The following MYH7B variants were observed in gnomAD, a reference collection of about 807,000 sequenced individuals.
MYH7B encodes myosin-7B.
A neutral mutation model predicts 234.5 loss-of-function variants in MYH7B; 205 were observed. The ratio of observed to expected loss-of-function variants is 0.87; its 90% CI spans 0.78 to 0.98. MYH7B has a LOEUF of 0.98. Among genes scored for constraint, MYH7B ranks in the 50% least tolerant of loss-of-function variants. MYH7B has a pLI of 0.00. For synonymous variants in MYH7B, 1,193 were observed against 1,105.0 expected (o/e 1.08, Z -1.58); for missense variants, 2,652 against 2,633.4 (o/e 1.01, Z -0.15).
intron 15 of MYH7B, 66 bp downstream of exon 15, chr20:34,987,055 GC>G (rs1261942017): frequency 2.5e-6 from 4 of 1,608,284 alleles, no homozygotes; most frequent in African/African-American, 1.3e-5. Context: ...CACTGCCGGT[GC>G]CCCCAGCTGC....
chr20:34,981,089 G>A (rs760762022), intron 9 of MYH7B, 29 bp downstream of exon 9: 1 of 1,613,160 alleles, frequency 6.2e-7, no homozygotes, highest in Non-Finnish European at 8.5e-7. Flanking sequence ...GGGTGGGGTG[G>A]AAAATGCTGG....
intron 43 of MYH7B, 34 bp downstream of exon 43, chr20:35,001,560 G>A: frequency 6.4e-7 from 1 of 1,559,768 alleles, no homozygotes; most frequent in Non-Finnish European, 8.7e-7. Context: ...CCTGGACCGG[G>A]CACCCCAGCT....
At chr20:35,001,769 C>T (rs560192867) in intron 43 of MYH7B, among the ~76,000 whole-genome samples, 179 bp from the exon 44 acceptor site, 18 of 152,292 alleles carry the variant, frequency 1.2e-4, no homozygotes, top group African/African-American at 4.3e-4. Context: ...CAAAAAGGCA[C>T]ATGAAGTTGG....
intron 37 of MYH7B, 25 bp from the exon 38 acceptor site, chr20:34,999,766 T>G: frequency 4.4e-6 from 3 of 689,092 alleles, no homozygotes; most frequent in Non-Finnish European, 6.4e-6. Context: ...CCCCCCACCC[T>G]ACCCTGCCTG....
At position 34,984,809 on chromosome 20, in the gene MYH7B, G is replaced by A. The variant is rs374365061; in HGVS notation, c.649-45G>A. Reference sequence around the variant, plus strand: ...CACGGGTGGCTCTGGCCTCCCGGTGGGTAGGCACCAGAACTGACAGACCCC... The same window carrying A: ...CACGGGTGGCTCTGGCCTCCCGGTGAGTAGGCACCAGAACTGACAGACCCC... On this transcript the variant is annotated intron_variant, in intron 11 of 44. Transcript: ENST00000262873. The A allele has an allele frequency of 7.4e-5, 118 of 1,600,168 alleles. No homozygotes were observed. In the Middle Eastern group the frequency reaches 1.3e-3, roughly 18 times the overall value.
At chr20:34,991,205 C>T (rs566408969) in intron 24 of MYH7B, 84 bp downstream of exon 24, 37 of 955,256 alleles carry the variant, frequency 3.9e-5, no homozygotes, top group African/African-American at 3.6e-4. Context: ...GCCCAACAGA[C>T]GGTCCCCTGT....
intron 24 of MYH7B, among the ~76,000 whole-genome samples, chr20:34,992,676 T>C (rs1317381830): frequency 6.6e-6 from 1 of 151,340 alleles, no homozygotes; most frequent in African/African-American, 2.4e-5. Flanking sequence ...ATTCTGCAAT[T>C]CTTCTGCCTC....
exon 28 of MYH7B, chr20:34,995,428 G>A (rs374670834): frequency 1.2e-6 from 2 of 1,613,616 alleles, no homozygotes; most frequent in African/African-American, 2.7e-5. Flanking sequence ...AGCTGAGTGA[G>A]CGGCTGGAGG....
chr20:34,988,373 TGA>T, intron 19 of MYH7B, 111 bp downstream of exon 19: 1 of 1,229,204 alleles, frequency 8.1e-7, no homozygotes, highest in Non-Finnish European at 1.1e-6. Context: ...TGGAAGCGTG[TGA>T]CTGTGCGTTG....
At position 34,989,928 on chromosome 20, in the gene MYH7B, T is replaced by C; in HGVS notation, c.1767+9T>C. 9 of 1,613,530 alleles carry C rather than the reference T, an allele frequency of 5.6e-6. No individual in the cohort carries two copies. The highest frequency in any genetic ancestry group is 7.6e-6 in the Non-Finnish European group (9 of 1,179,558). ...TCCACTACGCAGGCGTGGTAGGTGC[T>C]TGCTGGAACCCCAGCCCTCGGCCAG... On this transcript the variant is annotated intron_variant, in intron 20 of 44. Transcript: ENST00000262873.
chr20:34,992,628 T>C (rs1198559417), intron 24 of MYH7B, among the ~76,000 whole-genome samples: 1 of 148,400 alleles, frequency 6.7e-6, no homozygotes, highest in African/African-American at 2.5e-5. Context: ...TGGCAGGATC[T>C]TGGCTCACTG....
At chr20:34,974,373 TCTTA>T (rs11469810) in intron 2 of MYH7B, among the ~76,000 whole-genome samples, 95,823 of 151,322 alleles carry the variant, frequency 0.63, 31,638 homozygotes, top group African/African-American at 0.82. Flanking sequence ...AAAGTCAGTA[TCTTA>T]CTTAAGTCCT....
At position 34,980,715 on chromosome 20, in the gene MYH7B, CT is replaced by C. The variant is rs1569035992; in HGVS notation, c.481del (p.Tyr161ThrfsTer14). On this transcript the variant is annotated frameshift_variant, in exon 8 of 45. Coordinates refer to ENST00000262873, the Ensembl canonical transcript of MYH7B. LOFTEE classifies it high-confidence loss of function. ...ATATATATGCGGTGGCGGACAACGC[CT>C]ACAACGACATGCTGCGCAGTAAGGG... is the stretch of plus-strand genomic sequence containing the variant. The C allele has an allele frequency of 6.2e-7, 1 of 1,614,170 alleles. No homozygotes were observed. Among genetic ancestry groups the C allele is most frequent in the African/African-American group, 1.3e-5 (1 of 75,058 alleles).
intron 28 of MYH7B, 147 bp from the exon 29 acceptor site, chr20:34,996,199 C>T: frequency 2.1e-6 from 2 of 935,760 alleles, no homozygotes; most frequent in Non-Finnish European, 1.6e-6. Flanking sequence ...GGGTCCTTCC[C>T]TCAGGCAGAA....
intron 2 of MYH7B, among the ~76,000 whole-genome samples, chr20:34,966,604 T>C (rs2081743962): frequency 6.6e-6 from 1 of 152,114 alleles, no homozygotes; most frequent in Non-Finnish European, 1.5e-5. Context: ...ACTTAATACA[T>C]GCAGATGTGC....
At chr20:34,999,866 C>A (rs780992553) in exon 38 of MYH7B, 1 of 1,612,096 alleles carries the variant, frequency 6.2e-7, no homozygotes. Context: ...AGAAGTGGAC[C>A]GGAAGCTGGC....
In MYH7B at chr20:34,997,419, G is replaced by A. The variant is rs2082282260; in HGVS notation, c.3526G>A (p.Ala1176Thr). The A allele has an allele frequency of 2.7e-6, 4 of 1,474,656 alleles. No individual in the cohort carries two copies. In the African/African-American group the frequency reaches 5.9e-5, roughly 22 times the overall value. 91.3% of individuals were successfully genotyped at this position (1,474,656 alleles called of 1,614,324 possible). The stretch of plus-strand genomic sequence containing the variant: ...GCGCGAGGGCTGCCGCAAGCGGGAG[G>A]CGGAGCTGGGGAGGCTGCGGCGGGA... The change falls in exon 32 of 45, where the codon GCG (alanine) becomes ACG (threonine). Residue 1176 changes from alanine to threonine, a missense_variant. Transcript: ENST00000262873.
Position 34,985,140 on chromosome 20 carries a change from C to G in MYH7B, c.805+11C>G. The G allele has an allele frequency of 6.2e-7, 1 of 1,613,686 alleles. No homozygotes were observed. Among genetic ancestry groups the G allele is most frequent in the Non-Finnish European group, 8.5e-7 (1 of 1,179,630 alleles). ...CGGATATTGACAGCTGTGAGTCAAC[C>G]CCCTGCGGGCGGTGCAGGGGAAGGA... On this transcript the variant is annotated intron_variant, in intron 13 of 44. Transcript: ENST00000262873.
intron 2 of MYH7B, among the ~76,000 whole-genome samples, chr20:34,974,295 C>T (rs973235193): frequency 1.3e-4 from 19 of 148,614 alleles, no homozygotes; most frequent in Admixed American, 1.0e-3. Flanking sequence ...GTCTCAAACT[C>T]ATGAGCTCAA....
Sources: gnomAD v4.1 joint callset for allele counts (sites outside exome capture counted in the v4.1 genomes callset) on GRCh38, gnomAD v4.1.1 for gene constraint, MANE v1.5 for transcripts, NCBI Gene and HGNC (gene_info 2026-07-23, HGNC 2026-07-21) for gene names.